The following NEGR1 variants were observed in gnomAD, a reference collection of about 807,000 sequenced individuals.
NEGR1 encodes the protein IgLON family member 4.
In NEGR1, 10 loss-of-function variants were observed where a neutral mutation model predicts 40.9. The ratio of observed to expected loss-of-function variants is 0.24; its 90% confidence interval spans 0.15 to 0.42. The LOEUF is 0.42. NEGR1 is among the 10% of genes least tolerant of loss of function. The pLI, the probability that NEGR1 is intolerant of heterozygous loss-of-function variation, is 1.00. For synonymous variants in NEGR1, 185 were observed against 166.8 expected (o/e 1.11, Z -0.84); for missense variants, 352 against 438.9 (o/e 0.80, Z 1.77).
chr1:71,750,783 AT>A (rs1168459968), intron 3 of NEGR1, among the ~76,000 whole-genome samples: 2 of 152,108 alleles, frequency 1.3e-5, no homozygotes, highest in East Asian at 3.9e-4. Context: ...AATCATTTAT[AT>A]TTTTAAGAAG....
chr1:71,444,381 A>G (rs945709616), intron 6 of NEGR1, among the ~76,000 whole-genome samples: 1 of 152,160 alleles, frequency 6.6e-6, no homozygotes, highest in Non-Finnish European at 1.5e-5. Context: ...ATTGCAATAA[A>G]ATTTTATTTA....
At chr1:71,828,493 G>A (rs1658722884) in intron 2 of NEGR1, among the ~76,000 whole-genome samples, 1 of 151,826 alleles carries the variant, frequency 6.6e-6, no homozygotes, top group African/African-American at 2.4e-5. Flanking sequence ...TTTCTCCCAT[G>A]ACAAAATATA....
At chr1:71,641,435 A>G (rs941570229) in intron 4 of NEGR1, among the ~76,000 whole-genome samples, 2 of 152,046 alleles carry the variant, frequency 1.3e-5, no homozygotes, top group African/African-American at 4.8e-5. Context: ...AAAACACACA[A>G]ATGCATGAAA....
intron 4 of NEGR1, among the ~76,000 whole-genome samples, chr1:71,625,767 C>G (rs1271824009): frequency 6.6e-6 from 1 of 151,916 alleles, no homozygotes; most frequent in Non-Finnish European, 1.5e-5. Flanking sequence ...CACTGCTGGA[C>G]ATATCGTGTG....
chr1:71,779,742 A>G (rs1656634946), intron 2 of NEGR1, among the ~76,000 whole-genome samples: 1 of 151,714 alleles, frequency 6.6e-6, no homozygotes, highest in African/African-American at 2.4e-5. Flanking sequence ...TAATTTTCAT[A>G]TTTTTTAATA....
intron 6 of NEGR1, among the ~76,000 whole-genome samples, chr1:71,557,347 A>C (rs1648286289): frequency 6.6e-6 from 1 of 151,632 alleles, no homozygotes; most frequent in Non-Finnish European, 1.5e-5. Flanking sequence ...CTGGGAAATT[A>C]GGCTTTCTTC....
At chr1:71,954,068 A>G (rs1027540775) in intron 1 of NEGR1, among the ~76,000 whole-genome samples, 6 of 152,020 alleles carry the variant, frequency 3.9e-5, no homozygotes, top group African/African-American at 9.7e-5. Flanking sequence ...AATTTGTAAA[A>G]TTAGCTGGGG....
chr1:71,803,574 T>A (rs1248607500), intron 2 of NEGR1, among the ~76,000 whole-genome samples: 1 of 152,194 alleles, frequency 6.6e-6, no homozygotes, highest in African/African-American at 2.4e-5. Flanking sequence ...TCAGGGGCTA[T>A]AACTTGTGGT....
At chr1:71,873,392 T>C (rs1374995390) in intron 2 of NEGR1, among the ~76,000 whole-genome samples, 1 of 152,052 alleles carries the variant, frequency 6.6e-6, no homozygotes, top group Non-Finnish European at 1.5e-5. Context: ...TATTGTGGCA[T>C]GGGATAGTGA....
At chr1:71,984,438 T>G (rs1646378557) in intron 1 of NEGR1, among the ~76,000 whole-genome samples, 1 of 152,144 alleles carries the variant, frequency 6.6e-6, no homozygotes, top group Non-Finnish European at 1.5e-5. Context: ...AAATAACTTT[T>G]AATGTCCATT....
intron 1 of NEGR1, among the ~76,000 whole-genome samples, chr1:72,213,079 A>G (rs1653670184): frequency 6.6e-6 from 1 of 152,042 alleles, no homozygotes; most frequent in Middle Eastern, 3.4e-3. Flanking sequence ...AGCATAAAAT[A>G]AGCATTATTT....
chr1:71,660,908 A>G (rs1652033318), intron 4 of NEGR1, among the ~76,000 whole-genome samples: 1 of 151,998 alleles, frequency 6.6e-6, no homozygotes, highest in Non-Finnish European at 1.5e-5. Flanking sequence ...TGCCCATATG[A>G]TCTCATTGTT....
chr1:71,700,423 G>T (rs540506794), intron 3 of NEGR1, among the ~76,000 whole-genome samples: 1 of 151,906 alleles, frequency 6.6e-6, no homozygotes, highest in Non-Finnish European at 1.5e-5. Flanking sequence ...ATTAAAACAT[G>T]TATGTGTCAT....
chr1:71,534,758 C>A (rs1183742545), intron 6 of NEGR1, among the ~76,000 whole-genome samples: 3 of 151,652 alleles, frequency 2.0e-5, no homozygotes, highest in Admixed American at 6.6e-5. Context: ...AAGCAATATT[C>A]TAGGAGCTGA....
At chr1:71,978,366 A>C (rs900349759) in intron 1 of NEGR1, among the ~76,000 whole-genome samples, 4 of 152,206 alleles carry the variant, frequency 2.6e-5, no homozygotes, top group South Asian at 4.1e-4. Flanking sequence ...GCTAAAGTGT[A>C]TCTCTTTATT....
chr1:72,125,608 T>C (rs186389879), intron 1 of NEGR1, among the ~76,000 whole-genome samples: 6 of 152,066 alleles, frequency 3.9e-5, no homozygotes, highest in African/African-American at 1.4e-4. Flanking sequence ...ATTATTACTA[T>C]AAAGGGATAT....
At chr1:72,013,728 GT>G (rs1646681272) in intron 1 of NEGR1, among the ~76,000 whole-genome samples, 1 of 151,554 alleles carries the variant, frequency 6.6e-6, no homozygotes, top group Admixed American at 6.6e-5. Context: ...TTTTGATGTA[GT>G]TAAAAAACTT....
At chr1:72,208,565 A>G (rs903905408) in intron 1 of NEGR1, among the ~76,000 whole-genome samples, 2 of 151,628 alleles carry the variant, frequency 1.3e-5, no homozygotes, top group African/African-American at 4.8e-5. Flanking sequence ...AGTCAAAAAT[A>G]TAGTGATTTA....
chr1:71,538,243 C>T (rs1186598071), intron 6 of NEGR1, among the ~76,000 whole-genome samples: 5 of 151,788 alleles, frequency 3.3e-5, no homozygotes, highest in South Asian at 2.1e-4. Flanking sequence ...CTATAGACTA[C>T]ATTAATGATT....
Sources: allele counts gnomAD v4.1 joint callset (sites outside exome capture counted in the v4.1 genomes callset), GRCh38; gene constraint gnomAD v4.1.1; transcripts MANE v1.5; gene names NCBI Gene and HGNC (gene_info 2026-07-23, HGNC 2026-07-21).